The following PIK3R3 variants were observed in gnomAD, a reference collection of about 807,000 sequenced individuals.
PIK3R3 encodes phosphoinositide-3-kinase regulatory subunit 3, also known as phosphatidylinositol 3-kinase regulatory subunit gamma.
Under a neutral mutation model 62.9 loss-of-function variants are expected in PIK3R3, and 64 were observed. That is an observed-to-expected ratio of 1.02 (90% CI 0.83 to 1.25). PIK3R3 has a LOEUF of 1.25. Ranked by LOEUF, PIK3R3 falls within the 50% of genes most tolerant of loss-of-function variation. PIK3R3 has a pLI of 0.00. For missense variants in PIK3R3, 614 were observed against 561.6 expected (o/e 1.09, Z -0.94); for synonymous variants, 165 against 189.0 (o/e 0.87, Z 1.04).
At chr1:46,153,278 T>C in the PIK3R3 span, among the ~76,000 whole-genome samples, 2 of 152,226 alleles carry the variant, frequency 1.3e-5, no homozygotes, top group Non-Finnish European at 2.9e-5. Flanking sequence ...GCACCCACTT[T>C]CCTACTTGTA....
At chr1:46,080,584 A>G (rs760724512) in intron 2 of PIK3R3, 58 bp downstream of exon 2, 11 of 1,155,722 alleles carry the variant, frequency 9.5e-6, no homozygotes, top group Non-Finnish European at 1.4e-5. Flanking sequence ...TTTAACTACT[A>G]ATTCTCAAAA....
chr1:46,143,429 C>A, the PIK3R3 span, among the ~76,000 whole-genome samples: 1 of 87,768 alleles, frequency 1.1e-5, no homozygotes, highest in Non-Finnish European at 2.3e-5. Context: ...TTGGTGTATC[C>A]ATTAGGTTTG....
chr1:46,104,972 G>GT (rs1653060535), intron 1 of PIK3R3: 2 of 601,842 alleles, frequency 3.3e-6, no homozygotes, highest in African/African-American at 1.9e-5. Context: ...TCATCTCCAA[G>GT]TTCAAAGCAT....
chr1:46,131,880 C>T lies in PIK3R3; in HGVS notation c.73G>A (p.Glu25Lys). The T allele has an allele frequency of 6.2e-7, 1 of 1,612,924 alleles. No homozygotes were observed. Among genetic ancestry groups the T allele is most frequent in the South Asian group, 1.1e-5 (1 of 91,028 alleles). ...TCCATTTCAATATAAAATATCAGTT[C>T]TGTCGAATAGGGCATCATCACCTCC... ...WREVMMPYST[E>K]LIFYIEMDPP... The change falls in exon 1 of 10, where the codon GAA becomes AAA. Residue 25 changes from glutamate to lysine, a missense_variant. Physicochemically the swap from Glu to Lys is moderately conservative, Grantham distance 56. Coordinates refer to ENST00000262741, the MANE Select transcript of PIK3R3 (RefSeq NM_003629.4).
At chr1:46,133,536 C>T (rs41288351), upstream of PIK3R3, among the ~76,000 whole-genome samples, 23 of 152,314 alleles carry the variant, frequency 1.5e-4, no homozygotes, top group Non-Finnish European at 2.8e-4. Context: ...GCCCTCTCCG[C>T]ACCCTTGACA....
intron 1 of PIK3R3, among the ~76,000 whole-genome samples, chr1:46,101,095 C>A (rs984882485): frequency 6.8e-6 from 1 of 147,882 alleles, no homozygotes; most frequent in South Asian, 2.1e-4. Context: ...TCGTCTGAAC[C>A]CAGAAGGCAG....
intron 7 of PIK3R3, among the ~76,000 whole-genome samples, chr1:46,054,912 TTTG>T (rs1302465834): frequency 6.6e-6 from 1 of 152,172 alleles, no homozygotes; most frequent in African/African-American, 2.4e-5. Flanking sequence ...TCATTTTGTT[TTTG>T]TTGTTGTTTT....
chr1:46,107,571 A>G (rs1451222253), intron 1 of PIK3R3, among the ~76,000 whole-genome samples: 1 of 152,196 alleles, frequency 6.6e-6, no homozygotes, highest in Non-Finnish European at 1.5e-5. Flanking sequence ...AAACAAAACA[A>G]AACAAAAACA....
chr1:46,059,982 CCCA>C lies in PIK3R3; in HGVS notation c.764+1944_764+1946del, dbSNP rs1184807629. On this transcript the variant is annotated intron_variant, in intron 6 of 9. Transcript: ENST00000262741. The stretch of plus-strand genomic sequence containing the variant: ...GGGTGTGGTGGCATGCACCTATAAT[CCCA>C]GCTACTTGGGAGGCTGAGGCAGGAT... Among the ~76,000 whole-genome samples, 10 of 152,128 alleles carry C rather than the reference CCCA, an allele frequency of 6.6e-5. No homozygotes were observed. In the East Asian group the frequency reaches 1.9e-3, roughly 29 times the overall value.
upstream of PIK3R3, chr1:46,132,850 C>T (rs112467355): frequency 3.1e-5 from 37 of 1,207,166 alleles, no homozygotes; most frequent in Middle Eastern, 1.6e-3. Flanking sequence ...TTCACGTCTC[C>T]CCACCGCTCT....
the PIK3R3 span, among the ~76,000 whole-genome samples, chr1:46,149,458 T>G: frequency 6.7e-6 from 1 of 150,326 alleles, no homozygotes; most frequent in Non-Finnish European, 1.5e-5. Context: ...CTCCCAGCAG[T>G]GCCATAACAG....
the PIK3R3 span, among the ~76,000 whole-genome samples, chr1:46,173,499 A>G: frequency 1.3e-5 from 2 of 152,194 alleles, no homozygotes; most frequent in African/African-American, 4.8e-5. Context: ...GGTGGAGACC[A>G]TCTAGGTCAG....
chr1:46,050,565 CA>C (rs1245996932), intron 7 of PIK3R3, among the ~76,000 whole-genome samples: 2 of 151,656 alleles, frequency 1.3e-5, no homozygotes, highest in Admixed American at 1.3e-4. Context: ...AAATCTGTCT[CA>C]AAAAAAGAAA....
Position 46,067,006 on chromosome 1 carries a change from C to G in PIK3R3, c.400G>C (p.Val134Leu). The change falls in exon 4 of 10, where the codon GTG becomes CTG. Residue 134 changes from valine to leucine, a missense_variant. Coordinates refer to ENST00000262741, the MANE Select transcript of PIK3R3 (RefSeq NM_003629.4). Reference protein sequence around the residue: ...FSDPLTFNSVVELINHYHHES... With the variant: ...FSDPLTFNSVLELINHYHHES... ...TGGTGATAGTGGTTAATGAGCTCCA[C>G]CACGGAATTAAATGTCAGAGGATCA... 6.2e-7 allele frequency: 1 copy of G among 1,606,468 alleles called. No homozygotes were observed. Among genetic ancestry groups the G allele is most frequent in the Non-Finnish European group, 8.5e-7 (1 of 1,177,074 alleles).
At chr1:46,161,604 A>G in the PIK3R3 span, among the ~76,000 whole-genome samples, 4 of 151,982 alleles carry the variant, frequency 2.6e-5, no homozygotes, top group East Asian at 5.8e-4. Flanking sequence ...GCATGGTGGC[A>G]TGCACCTATA....
upstream of PIK3R3, chr1:46,132,870 G>A (rs1237692513): frequency 8.4e-7 from 1 of 1,194,968 alleles, no homozygotes; most frequent in African/African-American, 1.6e-5. Flanking sequence ...TCTAGGCTTC[G>A]GCTCCCCAAT....
At chr1:46,126,927 G>A (rs1196478440) in intron 1 of PIK3R3, among the ~76,000 whole-genome samples, 1 of 151,958 alleles carries the variant, frequency 6.6e-6, no homozygotes, top group East Asian at 1.9e-4. Flanking sequence ...TCTAAAAGGG[G>A]TACTGAGACC....
chr1:46,159,738 T>TACACACACACACACACACACACAC, the PIK3R3 span, among the ~76,000 whole-genome samples: 5 of 148,122 alleles, frequency 3.4e-5, no homozygotes, highest in African/African-American at 9.9e-5. Flanking sequence ...ATGAGTACCA[T>TACACACACACACACACACACACAC]ACACACACAC....
upstream of PIK3R3, chr1:46,132,865 G>A: frequency 1.7e-6 from 2 of 1,195,970 alleles, no homozygotes; most frequent in Non-Finnish European, 2.1e-6. Flanking sequence ...CGCTCTCTAG[G>A]CTTCGGCTCC....
Sources: gnomAD v4.1 joint callset for allele counts (sites outside exome capture counted in the v4.1 genomes callset) on GRCh38, gnomAD v4.1.1 for gene constraint, MANE v1.5 for transcripts, NCBI Gene and HGNC (gene_info 2026-07-23, HGNC 2026-07-21) for gene names.